The following ACBD6 variants were observed in gnomAD, a reference collection of about 807,000 sequenced individuals.
ACBD6 encodes acyl-CoA-binding domain-containing protein 6.
A neutral mutation model predicts 37.2 loss-of-function variants in ACBD6; 28 were observed. That is an observed-to-expected ratio of 0.75 (90% CI 0.56 to 1.03). ACBD6 has a LOEUF of 1.03. Among genes scored for constraint, ACBD6 ranks in the 50% least tolerant of loss-of-function variants. ACBD6 has a pLI of 0.00. For missense variants in ACBD6, 340 were observed against 337.4 expected, an observed-to-expected ratio of 1.01 and a Z score of -0.06; for synonymous variants, 113 against 126.8, an observed-to-expected ratio of 0.89 and a Z score of 0.73.
At chr1:180,359,837 G>A (rs1011112429) in intron 6 of ACBD6, among the ~76,000 whole-genome samples, 2 of 152,056 alleles carry the variant, frequency 1.3e-5, no homozygotes, top group Admixed American at 6.5e-5. Context: ...AAGAACAGAT[G>A]AATAAATGGC....
intron 6 of ACBD6, among the ~76,000 whole-genome samples, chr1:180,329,495 TCTGA>T (rs1651393722): frequency 1.3e-5 from 2 of 152,202 alleles, no homozygotes; most frequent in Admixed American, 1.3e-4. Flanking sequence ...GGAAACTGTC[TCTGA>T]CTGATAGTCT....
intron 7 of ACBD6, among the ~76,000 whole-genome samples, chr1:180,307,002 G>A (rs1650407637): frequency 6.6e-6 from 1 of 152,168 alleles, no homozygotes; most frequent in Non-Finnish European, 1.5e-5. Flanking sequence ...TCCCAATCAT[G>A]GGTATATACC....
chr1:180,295,379 G>T (rs990790058), intron 7 of ACBD6, among the ~76,000 whole-genome samples: 1 of 151,586 alleles, frequency 6.6e-6, no homozygotes, highest in South Asian at 2.1e-4. Flanking sequence ...TGGCTTAAGC[G>T]ATTCTCCTGC....
At chr1:180,447,807 C>A (rs1649530253) in intron 3 of ACBD6, among the ~76,000 whole-genome samples, 1 of 151,766 alleles carries the variant, frequency 6.6e-6, no homozygotes, top group Non-Finnish European at 1.5e-5. Context: ...GTAATAACGT[C>A]TCAAAAATAA....
At chr1:180,314,914 A>C (rs1177626246) in intron 6 of ACBD6, among the ~76,000 whole-genome samples, 192 bp from the exon 7 acceptor site, 1 of 152,204 alleles carries the variant, frequency 6.6e-6, no homozygotes, top group Non-Finnish European at 1.5e-5. Context: ...AAAGAATGAT[A>C]ACTTGTGCAC....
intron 3 of ACBD6, among the ~76,000 whole-genome samples, chr1:180,470,371 T>C (rs192146841): frequency 3.9e-5 from 6 of 152,340 alleles, no homozygotes; most frequent in African/African-American, 1.4e-4. Context: ...CTTTACTCTC[T>C]AAACTGATAT....
chr1:180,289,237 C>T (rs1649609894), intron 7 of ACBD6, among the ~76,000 whole-genome samples: 1 of 152,100 alleles, frequency 6.6e-6, no homozygotes, highest in South Asian at 2.1e-4. Flanking sequence ...CATGACAAAG[C>T]TGGCAGATCA....
intron 6 of ACBD6, among the ~76,000 whole-genome samples, chr1:180,332,463 C>A (rs1330942807): frequency 6.6e-6 from 1 of 151,976 alleles, no homozygotes; most frequent in African/African-American, 2.4e-5. Context: ...ACTCACATTA[C>A]CATCTGAGCT....
At chr1:180,345,151 T>C (rs1255140984) in intron 6 of ACBD6, among the ~76,000 whole-genome samples, 3 of 152,198 alleles carry the variant, frequency 2.0e-5, no homozygotes, top group African/African-American at 4.8e-5. Flanking sequence ...GCCAAACTCT[T>C]TGAAGGGTGT....
At chr1:180,437,751 G>GA (rs371622282) in intron 3 of ACBD6, among the ~76,000 whole-genome samples, 10 of 151,730 alleles carry the variant, frequency 6.6e-5, no homozygotes, top group African/African-American at 2.4e-4. Flanking sequence ...GTATTATGAA[G>GA]AAAAAAAACA....
intron 9 of ACBD6, among the ~76,000 whole-genome samples, chr1:180,280,380 T>C (rs1446031014): frequency 6.6e-6 from 1 of 151,844 alleles, no homozygotes; most frequent in Admixed American, 6.6e-5. Flanking sequence ...ATGCACTACA[T>C]AGAACAATTT....
At chr1:180,359,784 A>G (rs1652776836) in intron 6 of ACBD6, among the ~76,000 whole-genome samples, 1 of 152,092 alleles carries the variant, frequency 6.6e-6, no homozygotes, top group African/African-American at 2.4e-5. Context: ...TTGTCAAATA[A>G]TGGTGTTTTT....
At chr1:180,490,509 C>T (rs1651451351) in intron 3 of ACBD6, among the ~76,000 whole-genome samples, 1 of 151,438 alleles carries the variant, frequency 6.6e-6, no homozygotes, top group African/African-American at 2.4e-5. Flanking sequence ...GGCGCAGTGG[C>T]TCACCCCTGT....
At chr1:180,427,241 T>A (rs918764749) in intron 4 of ACBD6, among the ~76,000 whole-genome samples, 27 of 152,152 alleles carry the variant, frequency 1.8e-4, no homozygotes, top group African/African-American at 6.5e-4. Flanking sequence ...TTTACAAATG[T>A]AAAAAAAATC....
intron 1 of ACBD6, 40 bp downstream of exon 1, chr1:180,502,005 G>C: frequency 1.9e-6 from 3 of 1,594,174 alleles, no homozygotes; most frequent in Non-Finnish European, 1.7e-6. Flanking sequence ...AGAAGGCTCC[G>C]TGTCTTTCTC....
intron 3 of ACBD6, among the ~76,000 whole-genome samples, chr1:180,486,441 T>C (rs1437274575): frequency 6.6e-6 from 1 of 152,198 alleles, no homozygotes; most frequent in African/African-American, 2.4e-5. Flanking sequence ...TAAGAAACAG[T>C]AACAGGCTAA....
exon 14 of ACBD6, chr1:180,271,917 G>C: frequency 6.2e-7 from 1 of 1,613,592 alleles, no homozygotes; most frequent in Non-Finnish European, 8.5e-7. Context: ...TTCTATAAGA[G>C]CGTCAAGAGG....
intron 6 of ACBD6, among the ~76,000 whole-genome samples, chr1:180,346,991 G>A (rs1652208702): frequency 2.6e-5 from 4 of 151,802 alleles, no homozygotes; most frequent in Admixed American, 2.0e-4. Flanking sequence ...ACTCCACCCC[G>A]GGTGACAGAG....
At chr1:180,286,233 G>C (rs889690136), downstream of ACBD6, among the ~76,000 whole-genome samples, 1 of 152,110 alleles carries the variant, frequency 6.6e-6, no homozygotes, top group African/African-American at 2.4e-5. Context: ...TAAGTTGATG[G>C]CTGTTTTTAG....
Sources: allele counts gnomAD v4.1 joint callset (sites outside exome capture counted in the v4.1 genomes callset), GRCh38; gene constraint gnomAD v4.1.1; transcripts MANE v1.5; gene names NCBI Gene and HGNC (gene_info 2026-07-23, HGNC 2026-07-21).